The following DIS3 variants were observed in gnomAD, a reference collection of about 807,000 sequenced individuals.
DIS3 encodes the protein exosome complex exonuclease RRP44.
In DIS3, 103 loss-of-function variants were observed where a neutral mutation model predicts 113.0. That is an observed-to-expected ratio of 0.91 (90% CI 0.78 to 1.07). The LOEUF (loss-of-function observed/expected upper bound fraction) is 1.07. Ranked by LOEUF, DIS3 falls within the 50% of genes least tolerant of loss-of-function variation. DIS3 has a pLI of 0.00. For synonymous variants in DIS3, 402 were observed against 394.3 expected (o/e 1.02, Z -0.23); for missense variants, 1,121 against 1,167.1 (o/e 0.96, Z 0.58).
chr13:72,780,233 G>C (rs2034129342), intron 2 of DIS3, among the ~76,000 whole-genome samples: 2 of 138,426 alleles, frequency 1.4e-5, no homozygotes. Flanking sequence ...GGCTGAGGCA[G>C]AAGAATCGCT....
At chr13:72,773,555 CTT>C in intron 8 of DIS3, 127 bp downstream of exon 8, 1 of 1,049,108 alleles carries the variant, frequency 9.5e-7, no homozygotes, top group Admixed American at 3.0e-5. Flanking sequence ...TACCAGGTCA[CTT>C]TGTGAAATAT....
At chr13:72,768,543 G>A (rs2033807581) in intron 14 of DIS3, among the ~76,000 whole-genome samples, 1 of 152,108 alleles carries the variant, frequency 6.6e-6, no homozygotes, top group Non-Finnish European at 1.5e-5. Flanking sequence ...CCAGCTACTT[G>A]AACGACAGGA....
At chr13:72,774,504 A>G (rs758598512) in intron 6 of DIS3, among the ~76,000 whole-genome samples, 24 of 152,044 alleles carry the variant, frequency 1.6e-4, no homozygotes, top group Non-Finnish European at 2.6e-4. Flanking sequence ...AAAAATAAAA[A>G]CCCAAATAAA....
In DIS3 at chr13:72,761,723, C is replaced by T. The variant is rs953165086; in HGVS notation, c.2434G>A (p.Asp812Asn). The change falls in exon 18 of 21, where the codon GAT becomes AAT. Residue 812 changes from aspartate to asparagine, a missense_variant. By Grantham distance (23) the Asp-to-Asn change is conservative (BLOSUM62 1). This residue lies in a region of DIS3 where 861 missense variants were observed against 915.5 expected (regional missense o/e 0.94). Coordinates refer to ENST00000377767, the MANE Select transcript of DIS3 (RefSeq NM_014953.5). ...PELTDKHKLA[D>N]ICKNLNFRHK... is the part of the protein sequence containing the mutation. ...CGGAAATTTAGATTTTTACATATAT[C>T]TGCAAGCTTGTGTTTGTCTGTCAAC... 4.3e-6 allele frequency: 7 copies of T among 1,613,870 alleles called. No individual in the cohort carries two copies. The highest frequency in any genetic ancestry group is 5.9e-6 in the Non-Finnish European group (7 of 1,179,972).
Position 72,759,813 on chromosome 13 carries a change from C to G in DIS3, c.2859G>C (p.Lys953Asn). The change falls in exon 21 of 21, where the codon AAG (lysine) becomes AAC (asparagine). Residue 953 changes from lysine to asparagine, a missense_variant. Physicochemically the swap from Lys to Asn is moderately conservative, Grantham distance 94 (BLOSUM62 0). Around this residue, in one of 3 missense-constraint regions of DIS3, gnomAD observed 861 missense variants for 915.5 expected, o/e 0.94. Coordinates refer to ENST00000377767, the MANE Select transcript of DIS3 (RefSeq NM_014953.5). ...NMDLNGPKKK[K>N]MKLGK ...AATATAGCTATTTTCCAAGCTTCAT[C>G]TTCTTTTTCTTTGGTCCATTAAGGT... 6.2e-7 allele frequency: 1 copy of G among 1,612,696 alleles called. No individual in the cohort carries two copies. Among genetic ancestry groups the G allele is most frequent in the Non-Finnish European group, 8.5e-7 (1 of 1,179,390 alleles).
At chr13:72,769,374 T>G (rs1193177879) in intron 13 of DIS3, among the ~76,000 whole-genome samples, 1 of 152,120 alleles carries the variant, frequency 6.6e-6, no homozygotes, top group Admixed American at 6.6e-5. Context: ...AAATTAAGCA[T>G]GTAAAAACCA....
rs769192216 is a variant in DIS3 at position 72,773,811 on chromosome 13, T to C, written c.1112A>G (p.His371Arg). 1 of 1,611,168 alleles carries C rather than the reference T, an allele frequency of 6.2e-7. No individual in the cohort carries two copies. Among genetic ancestry groups the C allele is most frequent in the South Asian group, 1.1e-5 (1 of 89,744 alleles). Residue 371 changes from histidine (H) to arginine (R), a missense_variant, in exon 8 of 21, where the codon CAT becomes CGT. By Grantham distance (29) the His-to-Arg change is conservative. Coordinates refer to ENST00000377767, the MANE Select transcript of DIS3 (RefSeq NM_014953.5). ...SKSDIKESRR[H>R]LFTPADKRIP... ...TCTCTTATCAGCAGGTGTAAAGAGA[T>C]GTCTTCTTGACTAGCAAAAATTAGG...
chr13:72,776,151 A>T lies in DIS3; in HGVS notation c.655-59T>A, dbSNP rs114489391. 1,536 of 1,464,516 alleles carry T rather than the reference A, an allele frequency of 1.0e-3. 17 individuals are homozygous for T. In the African/African-American group the frequency reaches 0.018, roughly 17 times the overall value. 90.7% of individuals were successfully genotyped at this position (1,464,516 alleles called of 1,614,324 possible). A position where few individuals can be genotyped will look rare whatever the true frequency, so the allele number is the denominator to read the frequency against. Reference sequence around the variant, plus strand: ...TAAGTCTTCTGTTCACTCAATACACAACTATTATTAATATCAGAGAATTTT... The same window carrying T: ...TAAGTCTTCTGTTCACTCAATACACTACTATTATTAATATCAGAGAATTTT... On this transcript the variant is annotated intron_variant, in intron 4 of 20. Coordinates refer to ENST00000377767, the MANE Select transcript of DIS3 (RefSeq NM_014953.5).
Position 72,777,464 on chromosome 13 carries a change from T to A in DIS3, c.610A>T (p.Asn204Tyr). 1 of 1,614,182 alleles carries A rather than the reference T, an allele frequency of 6.2e-7. No individual in the cohort carries two copies. The highest frequency in any genetic ancestry group is 8.5e-7 in the Non-Finnish European group (1 of 1,180,012). The stretch of plus-strand genomic sequence containing the variant: ...GCAAGACGATCTATGAGTTCGGGGT[T>A]AGCAGTTAGGCTCTTTACATATTCT... ...CEEYVKSLTANPELIDRLACL... is the reference protein window; with the variant it reads ...CEEYVKSLTAYPELIDRLACL... The change falls in exon 4 of 21, where the codon AAC (asparagine) becomes TAC (tyrosine). Residue 204 changes from asparagine to tyrosine, a missense_variant. By Grantham distance (143) the Asn-to-Tyr change is moderately radical. Around this residue, in one of 3 missense-constraint regions of DIS3, gnomAD observed 861 missense variants for 915.5 expected, o/e 0.94. Coordinates refer to ENST00000377767, the MANE Select transcript of DIS3 (RefSeq NM_014953.5).
At chr13:72,770,801 G>A (rs2033867479) in intron 13 of DIS3, 103 bp downstream of exon 13, 3 of 496,962 alleles carry the variant, frequency 6.0e-6, no homozygotes, top group East Asian at 3.5e-5. Context: ...TTTTATATAT[G>A]TGTATATATA....
At chr13:72,768,272 CAAACA>C (rs1566243611) in intron 14 of DIS3, among the ~76,000 whole-genome samples, 1 of 152,142 alleles carries the variant, frequency 6.6e-6, no homozygotes, top group Non-Finnish European at 1.5e-5. Context: ...ATCTTTAACT[CAAACA>C]CAATTTTTTA....
chr13:72,779,826 A>T (rs1265274208), intron 2 of DIS3, among the ~76,000 whole-genome samples: 1 of 152,074 alleles, frequency 6.6e-6, no homozygotes, highest in Non-Finnish European at 1.5e-5. Context: ...TGTTAAACAT[A>T]CTACAATGTA....
intron 4 of DIS3, among the ~76,000 whole-genome samples, chr13:72,776,818 T>C (rs2034028016): frequency 6.6e-6 from 1 of 152,320 alleles, no homozygotes; most frequent in South Asian, 2.1e-4. Context: ...GCCTCTAATC[T>C]TTCCTGGATA....
chr13:72,766,170 C>T, intron 14 of DIS3, 112 bp from the exon 15 acceptor site: 1 of 857,786 alleles, frequency 1.2e-6, no homozygotes, highest in East Asian at 2.8e-5. Flanking sequence ...GTAATAGTTG[C>T]TCTTCTGAAG....
At position 72,777,499 on chromosome 13, in the gene DIS3, A is replaced by G. The variant is rs1469801632; in HGVS notation, c.581-6T>C. The G allele has an allele frequency of 6.2e-7, 1 of 1,613,568 alleles. No homozygotes were observed. Among genetic ancestry groups the G allele is most frequent in the Admixed American group, 1.7e-5 (1 of 59,994 alleles). On this transcript the variant is annotated splice_polypyrimidine_tract_variant and splice_region_variant and intron_variant, in intron 3 of 20. Transcript: ENST00000377767. ...GCTCTTTACATATTCTTCACCTGAA[A>G]AAATAAGTTTATGTTGTTTTTGATA...
Position 72,763,615 on chromosome 13 carries a change from T to G in DIS3, c.1971-8A>C. ...ACCATGGAATTTGTTTCCCTGCCAA[T>G]GGAAAAAGCATTAAACAAACAAAAA... On this transcript the variant is annotated splice_polypyrimidine_tract_variant and splice_region_variant and intron_variant, in intron 15 of 20. Coordinates refer to ENST00000377767, the MANE Select transcript of DIS3 (RefSeq NM_014953.5). 3 of 1,607,652 alleles carry G rather than the reference T, an allele frequency of 1.9e-6. No individual in the cohort carries two copies. Among genetic ancestry groups the G allele is most frequent in the Non-Finnish European group, 2.5e-6 (3 of 1,177,934 alleles).
chr13:72,776,145 A>C, intron 4 of DIS3, 53 bp from the exon 5 acceptor site: 1 of 1,492,188 alleles, frequency 6.7e-7, no homozygotes, highest in Non-Finnish European at 9.0e-7. Context: ...TGTTCACTCA[A>C]TACACAACTA....
At position 72,753,182 on chromosome 13, in the gene DIS3, G is replaced by C. The variant is rs142370698; in HGVS notation, c.*6613C>G. 1 of 152,338 alleles carries C rather than the reference G, an allele frequency of 6.6e-6. No homozygotes were observed. The highest frequency in any genetic ancestry group is 2.4e-5 in the African/African-American group (1 of 41,562). 9.4% of individuals were successfully genotyped at this position (152,338 alleles called of 1,614,324 possible). ...TCTTTCTTTTTTGCTCTTTTGCACT[G>C]AAACAGTGTATCTTAGGATGCTACA... On this transcript the variant is annotated 3_prime_UTR_variant, in exon 21 of 21. Coordinates refer to ENST00000377767, the MANE Select transcript of DIS3 (RefSeq NM_014953.5).
intron 2 of DIS3, among the ~76,000 whole-genome samples, chr13:72,780,347 A>AC (rs1040960327): frequency 6.6e-6 from 1 of 151,384 alleles, no homozygotes; most frequent in African/African-American, 2.4e-5. Flanking sequence ...AAAAAAAAAA[A>AC]AAAGAATTCT....
Sources: allele counts gnomAD v4.1 joint callset (sites outside exome capture counted in the v4.1 genomes callset), GRCh38; gene constraint gnomAD v4.1.1; regional missense constraint gnomAD v4.1.1; transcripts MANE v1.5; gene names NCBI Gene and HGNC (gene_info 2026-07-23, HGNC 2026-07-21).